GSK3B: variants seen among roughly 807,000 people sequenced by gnomAD.
The protein encoded by GSK3B is glycogen synthase kinase-3 beta.
A neutral mutation model predicts 56.4 loss-of-function variants in GSK3B; 15 were observed. The observed-to-expected ratio is 0.27, with a 90% CI of 0.18 to 0.41. The LOEUF (loss-of-function observed/expected upper bound fraction) is 0.41, where lower values mean the gene tolerates loss of function less well. GSK3B is among the 10% of genes least tolerant of loss of function. GSK3B has a pLI of 1.00. For missense variants in GSK3B, 300 were observed against 513.4 expected, an observed-to-expected ratio of 0.58 and a Z score of 4.02; for synonymous variants, 181 against 188.9, an observed-to-expected ratio of 0.96 and a Z score of 0.34.
At chr3:119,976,560 G>A (rs1304889908) in intron 2 of GSK3B, among the ~76,000 whole-genome samples, 3 of 152,096 alleles carry the variant, frequency 2.0e-5, no homozygotes, top group Non-Finnish European at 4.4e-5. Flanking sequence ...GGGAAGGAAA[G>A]GATAGGGAGT....
At chr3:119,849,518 G>C (rs1445772769) in intron 9 of GSK3B, among the ~76,000 whole-genome samples, 1 of 152,154 alleles carries the variant, frequency 6.6e-6, no homozygotes, top group Non-Finnish European at 1.5e-5. Flanking sequence ...GAGTATCAGT[G>C]GTCTGTGGTC....
intron 2 of GSK3B, among the ~76,000 whole-genome samples, chr3:119,967,358 G>A (rs1421490040): frequency 1.3e-5 from 2 of 152,214 alleles, no homozygotes; most frequent in African/African-American, 4.8e-5. Flanking sequence ...TTACCGGCGT[G>A]AGCCACTGCG....
chr3:119,824,401 CTT>C lies in GSK3B; in HGVS notation c.*2385_*2386del, dbSNP rs1191943008. On this transcript the variant is annotated 3_prime_UTR_variant, in exon 11 of 11. Transcript: ENST00000264235. ...TGAGAGAAAAGCGTGACTTTTCTCT[CTT>C]CTTTTACCCCAGTTGTGGGGGGCAA... 3.1e-4 allele frequency: 68 copies of C among 218,794 alleles called. No homozygotes were observed. Among genetic ancestry groups the C allele is most frequent in the Admixed American group, 1.2e-3 (20 of 17,224 alleles). The allele number at this position is 218,794 out of a possible 1,614,324, so 13.6% of individuals were successfully genotyped here. A position where few individuals can be genotyped will look rare whatever the true frequency, so the allele number is the denominator to read the frequency against.
At chr3:119,955,843 G>A (rs1489264972) in intron 2 of GSK3B, among the ~76,000 whole-genome samples, 2 of 152,008 alleles carry the variant, frequency 1.3e-5, no homozygotes, top group Non-Finnish European at 1.5e-5. Flanking sequence ...AGTAGAGATG[G>A]GTTTTCACCA....
intron 3 of GSK3B, among the ~76,000 whole-genome samples, chr3:119,924,601 T>C (rs913951098): frequency 2.0e-5 from 3 of 152,132 alleles, no homozygotes; most frequent in South Asian, 2.1e-4. Context: ...GATTAGGAAA[T>C]AGTGAAACAT....
chr3:119,960,443 C>G (rs986961900), intron 2 of GSK3B, among the ~76,000 whole-genome samples: 2 of 152,184 alleles, frequency 1.3e-5, no homozygotes, highest in Middle Eastern at 6.8e-3. Context: ...TATACACATA[C>G]AGCTCTCCAA....
chr3:119,869,243 A>AAAAAAC (rs1261823996), intron 8 of GSK3B, among the ~76,000 whole-genome samples: 3 of 151,078 alleles, frequency 2.0e-5, no homozygotes, highest in Non-Finnish European at 4.4e-5. Context: ...AAAAAAAAAA[A>AAAAAAC]AAACATATAT....
At chr3:119,844,928 C>T (rs1456966100) in intron 9 of GSK3B, among the ~76,000 whole-genome samples, 1 of 152,156 alleles carries the variant, frequency 6.6e-6, no homozygotes, top group Non-Finnish European at 1.5e-5. Context: ...TACTGGCAAA[C>T]CGAATCTAGC....
chr3:120,083,698 C>T (rs2058440962), intron 1 of GSK3B, among the ~76,000 whole-genome samples: 1 of 152,156 alleles, frequency 6.6e-6, no homozygotes, highest in South Asian at 2.1e-4. Flanking sequence ...CACACAAAAA[C>T]TTGCACACAA....
intron 6 of GSK3B, among the ~76,000 whole-genome samples, chr3:119,911,570 G>A (rs2056735055): frequency 6.6e-6 from 1 of 152,140 alleles, no homozygotes; most frequent in South Asian, 2.1e-4. Context: ...AGAGATGAAA[G>A]TCCTAAACGG....
intron 1 of GSK3B, chr3:120,041,485 T>C (rs1024743185): frequency 5.7e-5 from 14 of 247,592 alleles, no homozygotes; most frequent in Admixed American, 5.5e-4. Flanking sequence ...AATGTGATCA[T>C]TGTTGGCTAC....
At chr3:120,052,146 C>T (rs981954857) in intron 1 of GSK3B, among the ~76,000 whole-genome samples, 2 of 152,080 alleles carry the variant, frequency 1.3e-5, no homozygotes, top group Non-Finnish European at 2.9e-5. Context: ...CAGGATTTTC[C>T]ATCCATTGAT....
chr3:119,892,449 T>G lies in GSK3B; in HGVS notation c.813+13306A>C, dbSNP rs1402122002. ...ATGTTTCAATATTCAGCTCAATGGT[T>G]AGCTCTCCTAAGAAGGCTTTCCAGA... On this transcript the variant is annotated intron_variant, in intron 7 of 10. Coordinates refer to ENST00000264235, the MANE Select transcript of GSK3B (RefSeq NM_001146156.2). Among the ~76,000 whole-genome samples, 12 of 152,210 alleles carry G rather than the reference T, an allele frequency of 7.9e-5. 1 individual carries two copies. The highest frequency in any genetic ancestry group is 7.9e-4 in the Admixed American group (12 of 15,270).
At chr3:119,866,707 A>G (rs1400466340) in intron 8 of GSK3B, 2 of 868,308 alleles carry the variant, frequency 2.3e-6, no homozygotes, top group Non-Finnish European at 3.8e-6. Context: ...GGAAAAATAT[A>G]TCCAATGTTA....
intron 2 of GSK3B, among the ~76,000 whole-genome samples, chr3:119,965,038 C>CTTTTTTTTTTTTTTTTTTTT (rs573903125): frequency 1.6e-5 from 2 of 125,628 alleles, no homozygotes; most frequent in Non-Finnish European, 1.7e-5. Flanking sequence ...ATTATGTTTT[C>CTTTTTTTTTTTTTTTTTTTT]TTTTTTTTTT....
rs150680290 is a variant in GSK3B, at chr3:120,010,973, C to T, written c.89-8734G>A. Among the ~76,000 whole-genome samples the T allele has an allele frequency of 6.9e-3, 1,055 of 152,232 alleles. 29 individuals are homozygous for T. The highest frequency in any genetic ancestry group is 4.3e-3 in the Non-Finnish European group (293 of 68,014). On this transcript the variant is annotated intron_variant, in intron 1 of 10. Coordinates refer to ENST00000264235, the MANE Select transcript of GSK3B (RefSeq NM_001146156.2). ...ATCCCAGCTACAAGGGAGGCTGAGG[C>T]ACAAGAATCCCTTGAACCCAGGAGG...
intron 7 of GSK3B, among the ~76,000 whole-genome samples, chr3:119,881,986 G>T (rs1041314610): frequency 6.6e-6 from 1 of 152,136 alleles, no homozygotes; most frequent in African/African-American, 2.4e-5. Context: ...TGCCATGATT[G>T]TGAGGCCTTC....
chr3:119,853,477 T>G (rs1436953066), intron 9 of GSK3B, among the ~76,000 whole-genome samples: 1 of 152,210 alleles, frequency 6.6e-6, no homozygotes, highest in Non-Finnish European at 1.5e-5. Flanking sequence ...GGTAGCTTGA[T>G]GAGGATGGCA....
At chr3:119,860,695 G>A (rs1359418469) in intron 9 of GSK3B, among the ~76,000 whole-genome samples, 1 of 152,064 alleles carries the variant, frequency 6.6e-6, no homozygotes, top group Non-Finnish European at 1.5e-5. Context: ...ACATATAGCA[G>A]GTTTACTTTA....
Sources: gnomAD v4.1 joint callset for allele counts (sites outside exome capture counted in the v4.1 genomes callset) on GRCh38, gnomAD v4.1.1 for gene constraint, MANE v1.5 for transcripts, NCBI Gene and HGNC (gene_info 2026-07-23, HGNC 2026-07-21) for gene names.